SLC39A10: variants seen among roughly 807,000 people sequenced by gnomAD.
SLC39A10 encodes zinc transporter ZIP10.
A neutral mutation model predicts 65.1 loss-of-function variants in SLC39A10; 13 were observed. The observed-to-expected ratio is 0.20, with a 90% confidence interval of 0.13 to 0.32. The LOEUF is 0.32. SLC39A10 is among the 10% of genes least tolerant of loss of function. SLC39A10 has a pLI of 1.00. For synonymous variants in SLC39A10, 321 were observed against 342.2 expected, an observed-to-expected ratio of 0.94 and a Z score of 0.68; for missense variants, 831 against 1,018.4, an observed-to-expected ratio of 0.82 and a Z score of 2.50.
chr2:195,617,121 T>G (rs573791961), intron 2 of SLC39A10, among the ~76,000 whole-genome samples: 74 of 152,332 alleles, frequency 4.9e-4, no homozygotes, highest in Non-Finnish European at 9.3e-4. Flanking sequence ...TCTTCGATAG[T>G]GCATTATAGG....
intron 6 of SLC39A10, 102 bp downstream of exon 6, chr2:195,713,655 A>C (rs1698501568): frequency 1.6e-6 from 2 of 1,281,636 alleles, no homozygotes; most frequent in African/African-American, 1.6e-5. Context: ...GAAATTAAAT[A>C]ATACAGTAAA....
chr2:195,716,493 G>T (rs926230370), intron 6 of SLC39A10, 144 bp from the exon 7 acceptor site: 6 of 627,632 alleles, frequency 9.6e-6, no homozygotes, highest in South Asian at 3.6e-5. Flanking sequence ...TATTAGAATG[G>T]CTTCTAAATA....
intron 1 of SLC39A10, among the ~76,000 whole-genome samples, chr2:195,666,452 A>G (rs1689640411): frequency 6.6e-6 from 1 of 152,174 alleles, no homozygotes; most frequent in Non-Finnish European, 1.5e-5. Context: ...TATTTTTAGA[A>G]TAAAGACAGC....
At chr2:195,673,995 C>A (rs1689979653) in intron 1 of SLC39A10, among the ~76,000 whole-genome samples, 1 of 152,160 alleles carries the variant, frequency 6.6e-6, no homozygotes. Flanking sequence ...GATAATGACT[C>A]CAGAATGTAA....
At chr2:195,671,896 A>G (rs191362444) in intron 1 of SLC39A10, among the ~76,000 whole-genome samples, 10 of 152,122 alleles carry the variant, frequency 6.6e-5, no homozygotes, top group East Asian at 3.9e-4. Flanking sequence ...AATATCAACT[A>G]TGTAAGAATG....
chr2:195,722,209 T>G (rs1320802141), intron 8 of SLC39A10, among the ~76,000 whole-genome samples: 1 of 152,198 alleles, frequency 6.6e-6, no homozygotes, highest in African/African-American at 2.4e-5. Flanking sequence ...TGAGAAGATA[T>G]GTCAAGCCAG....
upstream of SLC39A10, among the ~76,000 whole-genome samples, chr2:195,656,323 A>C (rs1255460093): frequency 6.6e-6 from 1 of 152,180 alleles, no homozygotes. Context: ...TGGTTGCTTA[A>C]GAGGGGAGGA....
chr2:195,697,603 C>T (rs1333522254), intron 3 of SLC39A10, among the ~76,000 whole-genome samples: 3 of 151,970 alleles, frequency 2.0e-5, no homozygotes, highest in African/African-American at 2.4e-5. Context: ...ATGGAATAGG[C>T]GTCAGTGTCT....
At chr2:195,618,830 C>T (rs950978683) in intron 2 of SLC39A10, among the ~76,000 whole-genome samples, 5 of 152,006 alleles carry the variant, frequency 3.3e-5, no homozygotes, top group African/African-American at 7.2e-5. Flanking sequence ...CGGTGGCTCA[C>T]GCCTGTAATC....
At chr2:195,651,454 T>C (rs1689028300) in intron 2 of SLC39A10, among the ~76,000 whole-genome samples, 1 of 152,226 alleles carries the variant, frequency 6.6e-6, no homozygotes, top group East Asian at 1.9e-4. Flanking sequence ...TTTACCTACA[T>C]ATTGCTGACA....
At chr2:195,639,074 G>C (rs868283146) in intron 2 of SLC39A10, among the ~76,000 whole-genome samples, 9 of 151,848 alleles carry the variant, frequency 5.9e-5, no homozygotes, top group African/African-American at 2.2e-4. Flanking sequence ...TCCTGCCTCT[G>C]CCTCCTATGT....
intron 2 of SLC39A10, among the ~76,000 whole-genome samples, chr2:195,643,595 C>T (rs1183271856): frequency 1.3e-5 from 2 of 152,170 alleles, no homozygotes; most frequent in African/African-American, 4.8e-5. Flanking sequence ...ATAACTATAG[C>T]TGATTACTGA....
chr2:195,737,640 TTATG>T lies in SLC39A10; in HGVS notation c.*2605_*2608del, dbSNP rs1178503941. On this transcript the variant is annotated 3_prime_UTR_variant, in exon 10 of 10. Transcript: ENST00000359634. The stretch of plus-strand genomic sequence containing the variant: ...TCATTGTCAACAGTGGTGTGTCATT[TTATG>T]TATGTTCCTAATGCTTATGGAACTC... 4.0e-6 allele frequency: 1 copy of T among 247,650 alleles called. No homozygotes were observed. Among genetic ancestry groups the T allele is most frequent in the Non-Finnish European group, 7.9e-6 (1 of 127,352 alleles). The allele number at this position is 247,650 out of a possible 1,614,324, so 15.3% of individuals were successfully genotyped here.
chr2:195,621,087 T>C (rs1479526955), intron 2 of SLC39A10, among the ~76,000 whole-genome samples: 1 of 152,234 alleles, frequency 6.6e-6, no homozygotes, highest in Non-Finnish European at 1.5e-5. Context: ...TTATCTCAAA[T>C]TTATCTAAGA....
Position 195,728,721 on chromosome 2 carries a change from C to A in SLC39A10, c.2337+372C>A, listed in dbSNP as rs1334671248. On this transcript the variant is annotated intron_variant, in intron 9 of 9. Transcript: ENST00000359634. This position sits in a 1 kb window ranked among gnomAD's most constrained non-coding sequence, Gnocchi z 4.4. ...AGAAATACTATTCCTGTTAGGTAAG[C>A]CAGTCTTCTGGAAGGAAGTGGTATA... 6.6e-6 allele frequency among the ~76,000 whole-genome samples: 1 copy of A among 152,028 alleles called. No homozygotes were observed. The highest frequency in any genetic ancestry group is 1.5e-5 in the Non-Finnish European group (1 of 68,012).
intron 2 of SLC39A10, among the ~76,000 whole-genome samples, chr2:195,617,709 C>CTTTTATTTTATTTTA (rs1452108690): frequency 2.1e-5 from 3 of 143,924 alleles, no homozygotes; most frequent in African/African-American, 5.2e-5. Flanking sequence ...TGTTTCTTTT[C>CTTTTATTTTATTTTA]TTTTCTTTTC....
chr2:195,675,708 A>G (rs1301836614), intron 1 of SLC39A10, among the ~76,000 whole-genome samples: 1 of 152,222 alleles, frequency 6.6e-6, no homozygotes, highest in Admixed American at 6.5e-5. Context: ...CTGGGATTAC[A>G]GGCGTGAGCC....
chr2:195,652,650 G>A (rs1231242081), upstream of SLC39A10, among the ~76,000 whole-genome samples: 1 of 96,212 alleles, frequency 1.0e-5, no homozygotes, highest in Non-Finnish European at 2.6e-5. Context: ...GCAGGCTTCA[G>A]AGAGAATAAA....
intron 5 of SLC39A10, among the ~76,000 whole-genome samples, chr2:195,713,151 C>T (rs1691658344): frequency 6.6e-6 from 1 of 152,124 alleles, no homozygotes; most frequent in Non-Finnish European, 1.5e-5. Flanking sequence ...ATACACGTTT[C>T]ATTTGTTGCA....
Sources: allele counts gnomAD v4.1 joint callset (sites outside exome capture counted in the v4.1 genomes callset), GRCh38; gene constraint gnomAD v4.1.1; non-coding constraint Gnocchi (gnomAD v3.1); transcripts MANE v1.5; gene names NCBI Gene and HGNC (gene_info 2026-07-23, HGNC 2026-07-21).